The following PLOD2 variants were observed in gnomAD, a reference collection of about 807,000 sequenced individuals.
PLOD2 encodes the protein procollagen-lysine,2-oxoglutarate 5-dioxygenase 2.
PLOD2 carries 65 observed loss-of-function variants against 101.0 expected under a neutral mutation model. The observed-to-expected ratio is 0.64, with a 90% CI of 0.53 to 0.79. PLOD2 has a LOEUF of 0.79. Ranked by LOEUF, PLOD2 falls within the 30% of genes least tolerant of loss-of-function variation. The probability of loss-of-function intolerance (pLI) is 0.00; values close to 1 mark genes in which losing one functional copy is unlikely to be tolerated. For missense variants in PLOD2, 909 were observed against 914.6 expected (o/e 0.99, Z 0.08); for synonymous variants, 314 against 302.9 (o/e 1.04, Z -0.38).
At chr3:146,101,343 T>C (rs528028074) in intron 7 of PLOD2, among the ~76,000 whole-genome samples, 1 of 152,276 alleles carries the variant, frequency 6.6e-6, no homozygotes, top group East Asian at 1.9e-4. Flanking sequence ...GGTCACTACA[T>C]GCACACAAAC....
In PLOD2 at chr3:146,072,741, G is replaced by T. The variant is rs975663046; in HGVS notation, c.1744-76C>A. On this transcript the variant is annotated intron_variant, in intron 16 of 19. Coordinates refer to ENST00000282903, the MANE Select transcript of PLOD2 (RefSeq NM_182943.3). Reference sequence around the variant, plus strand: ...TAGTCTAAAATAGTTATTTTAATATGTGTAAAATAAAAAATCCTGTATGAC... The same window carrying T: ...TAGTCTAAAATAGTTATTTTAATATTTGTAAAATAAAAAATCCTGTATGAC... 2.5e-5 allele frequency: 22 copies of T among 886,284 alleles called. No homozygotes were observed. The South Asian group carries it at 2.9e-4, about 12-fold the overall frequency. 54.9% of individuals were successfully genotyped at this position (886,284 alleles called of 1,614,324 possible). A position where few individuals can be genotyped will look rare whatever the true frequency, so the allele number is the denominator to read the frequency against.
intron 8 of PLOD2, among the ~76,000 whole-genome samples, chr3:146,089,071 C>G (rs2108024804): frequency 6.6e-6 from 1 of 151,720 alleles, no homozygotes; most frequent in Middle Eastern, 3.4e-3. Context: ...AAAGTTTCGT[C>G]TAAGAAACCA....
intron 7 of PLOD2, among the ~76,000 whole-genome samples, chr3:146,097,889 C>T (rs1937261438): frequency 6.6e-6 from 1 of 151,940 alleles, no homozygotes; most frequent in African/African-American, 2.4e-5. Flanking sequence ...AGAATGAGTT[C>T]ATGTCCTTTG....
intron 7 of PLOD2, among the ~76,000 whole-genome samples, chr3:146,094,210 C>T (rs1937070915): frequency 6.6e-6 from 1 of 152,200 alleles, no homozygotes; most frequent in South Asian, 2.1e-4. Context: ...AGAAACTTTT[C>T]CGCCCAAATC....
At chr3:146,090,192 C>T (rs943478564) in intron 8 of PLOD2, among the ~76,000 whole-genome samples, 1 of 151,218 alleles carries the variant, frequency 6.6e-6, no homozygotes, top group African/African-American at 2.4e-5. Context: ...ATCACTATGA[C>T]TTTACATATA....
chr3:146,115,718 CTG>C, intron 3 of PLOD2, among the ~76,000 whole-genome samples: 1 of 152,184 alleles, frequency 6.6e-6, no homozygotes, highest in South Asian at 2.1e-4. Context: ...AGTTCCCAGA[CTG>C]TATCAATGGT....
intron 3 of PLOD2, among the ~76,000 whole-genome samples, chr3:146,112,914 T>C (rs1446616088): frequency 2.0e-5 from 3 of 150,500 alleles, no homozygotes; most frequent in Non-Finnish European, 4.4e-5. Flanking sequence ...CCATGGCACA[T>C]GTATACCTAT....
chr3:146,152,191 G>A (rs897663556), intron 1 of PLOD2, among the ~76,000 whole-genome samples: 16 of 152,184 alleles, frequency 1.1e-4, no homozygotes, highest in African/African-American at 3.4e-4. Flanking sequence ...GGCTGAGGCA[G>A]GTGGATCATC....
intron 12 of PLOD2, among the ~76,000 whole-genome samples, chr3:146,080,427 A>AT (rs1559836326): frequency 6.6e-6 from 1 of 152,024 alleles, no homozygotes; most frequent in Non-Finnish European, 1.5e-5. Context: ...AAGCAAAACC[A>AT]TAGATAAAGG....
In PLOD2 at chr3:146,110,384, T is replaced by C. The variant is rs1300407754; in HGVS notation, c.403A>G (p.Lys135Glu). The C allele has an allele frequency of 6.2e-7, 1 of 1,613,632 alleles. No homozygotes were observed. Among genetic ancestry groups the C allele is most frequent in the African/African-American group, 1.3e-5 (1 of 75,040 alleles). ...VLKKFQKANH[K>E]VVFAADGILW... ...ATTCCATCTGCTGCAAAGACCACTT[T>C]GTGGTTTGCCTTTTGGAATTTTTTT... The change falls in exon 4 of 20, where the codon AAA becomes GAA. Residue 135 changes from lysine to glutamate, a missense_variant. Physicochemically the swap from Lys to Glu is moderately conservative, Grantham distance 56. Coordinates refer to ENST00000282903, the MANE Select transcript of PLOD2 (RefSeq NM_182943.3).
chr3:146,135,898 A>G (rs2031202086), intron 1 of PLOD2, among the ~76,000 whole-genome samples: 2 of 152,180 alleles, frequency 1.3e-5, no homozygotes, highest in East Asian at 1.9e-4. Context: ...GTCCAAAAAA[A>G]AAAATTAAAT....
intron 3 of PLOD2, among the ~76,000 whole-genome samples, chr3:146,113,744 A>G (rs1937757921): frequency 6.6e-6 from 1 of 152,188 alleles, no homozygotes; most frequent in Non-Finnish European, 1.5e-5. Context: ...AATCGTTAGT[A>G]AATCATGTGT....
At chr3:146,137,325 C>A (rs1386848443) in intron 1 of PLOD2, among the ~76,000 whole-genome samples, 1 of 152,188 alleles carries the variant, frequency 6.6e-6, no homozygotes, top group Admixed American at 6.5e-5. Context: ...ACCTCTGATT[C>A]AATTAGCTCC....
Position 146,110,428 on chromosome 3 carries a change from C to T in PLOD2, c.359G>A (p.Gly120Asp). Residue 120 changes from glycine to aspartate, a missense_variant, in exon 4 of 20, where the codon GGT (glycine) becomes GAT (aspartate). By Grantham distance (94) the Gly-to-Asp change is moderately conservative. Coordinates refer to ENST00000282903, the MANE Select transcript of PLOD2 (RefSeq NM_182943.3). ...FTECFDVIFA[G>D]GPEEVLKKFQ... ...TTTTTTTAGAACTTCTTCTGGACCA[C>T]CAGCAAATATGACATCAAAGCTGTT... 23 of 1,612,862 alleles carry T rather than the reference C, an allele frequency of 1.4e-5. No individual in the cohort carries two copies. Among genetic ancestry groups the T allele is most frequent in the Non-Finnish European group, 1.9e-5 (23 of 1,179,514 alleles).
In PLOD2 at chr3:146,156,029, C is replaced by T. The variant is rs770997094; in HGVS notation, c.109+4852G>A. On this transcript the variant is annotated intron_variant, in intron 1 of 19. Transcript: ENST00000282903. ...AAATATGCATCTCCTTTCCAACTAG[C>T]CATCAGTGTTTTTAATTCATTTTTG... is the stretch of plus-strand genomic sequence containing the variant. 2.7e-4 allele frequency among the ~76,000 whole-genome samples: 41 copies of T among 152,282 alleles called. 1 individual carries two copies. Among genetic ancestry groups the T allele is most frequent in the Non-Finnish European group, 1.3e-4 (9 of 68,020 alleles).
At chr3:146,147,721 T>C (rs955717953) in intron 1 of PLOD2, among the ~76,000 whole-genome samples, 3 of 152,136 alleles carry the variant, frequency 2.0e-5, no homozygotes, top group Non-Finnish European at 4.4e-5. Context: ...GAAGAGTCAC[T>C]GGACTTAAGA....
rs1251153370 is a variant in PLOD2 at position 146,088,710 on chromosome 3, A to G, written c.881T>C (p.Val294Ala). ...FDTVDLSAVD[V>A]HPNVSIGVFI... ...AACACCTATTGATACGTTTGGATGG[A>G]CCTTTGTTTTACACCAAACATAAAA... Residue 294 changes from valine to alanine, a missense_variant and splice_region_variant, in exon 9 of 20, where the codon GTC (valine) becomes GCC (alanine). Transcript: ENST00000282903. The G allele has an allele frequency of 1.9e-6, 3 of 1,604,324 alleles. No homozygotes were observed. The highest frequency in any genetic ancestry group is 1.1e-5 in the South Asian group (1 of 90,496).
rs1180966364 is a variant in PLOD2 at position 146,071,072 on chromosome 3, A to G, written c.2091T>C (p.Ile697=). The part of the protein sequence containing the change: ...HHDASTFTIN[I]ALNNVGEDFQ... The stretch of plus-strand genomic sequence containing the variant: ...AGTCTTCTCCCACGTTATTAAGTGC[A>G]ATGTTTATGGTAAATGTAGAAGCAT... The change falls in exon 19 of 20, where the codon ATT becomes ATC. Residue 697 remains isoleucine, a synonymous_variant. Coordinates refer to ENST00000282903, the MANE Select transcript of PLOD2 (RefSeq NM_182943.3). The G allele has an allele frequency of 6.2e-7, 1 of 1,609,178 alleles. No individual in the cohort carries two copies. The highest frequency in any genetic ancestry group is 8.5e-7 in the Non-Finnish European group (1 of 1,176,246).
At chr3:146,160,786 C>A in intron 1 of PLOD2, 95 bp downstream of exon 1, 1 of 799,254 alleles carries the variant, frequency 1.3e-6, no homozygotes, top group Middle Eastern at 2.5e-4. Context: ...CCCCACTACT[C>A]ACCTGGCCAG....
Sources: gnomAD v4.1 joint callset for allele counts (sites outside exome capture counted in the v4.1 genomes callset) on GRCh38, gnomAD v4.1.1 for gene constraint, MANE v1.5 for transcripts, NCBI Gene and HGNC (gene_info 2026-07-23, HGNC 2026-07-21) for gene names.